Variants in KCNQ1 observed in about 807,000 individuals in gnomAD.
KCNQ1 encodes potassium voltage-gated channel subfamily Q member 1.
A neutral mutation model predicts 72.4 loss-of-function variants in KCNQ1; 49 were observed. That is an observed-to-expected ratio of 0.68 (90% CI 0.54 to 0.86). The LOEUF (loss-of-function observed/expected upper bound fraction) is 0.86, where lower values mean the gene tolerates loss of function less well. KCNQ1 is among the 40% of genes least tolerant of loss of function. The probability of loss-of-function intolerance (pLI) is 0.00; values close to 1 mark genes in which losing one functional copy is unlikely to be tolerated. For synonymous variants in KCNQ1, 450 were observed against 412.6 expected, an observed-to-expected ratio of 1.09 and a Z score of -1.10; for missense variants, 790 against 945.1, an observed-to-expected ratio of 0.84 and a Z score of 2.15.
rs563439439 is a variant in KCNQ1, at chr11:2,544,410, A to G, written c.477+16392A>G. On this transcript the variant is annotated intron_variant, in intron 2 of 15. Transcript: ENST00000155840. This position sits in a 1 kb window ranked among gnomAD's most constrained non-coding sequence, Gnocchi z 4.4. ...CATATATGTGTATATATGTGTGTGT[A>G]TATATATATATGGTTACATACCTAA... is the stretch of plus-strand genomic sequence containing the variant. 4.1e-4 allele frequency among the ~76,000 whole-genome samples: 62 copies of G among 150,084 alleles called. No individual in the cohort carries two copies. In the South Asian group the frequency reaches 4.6e-3, roughly 11 times the overall value.
intron 11 of KCNQ1, among the ~76,000 whole-genome samples, chr11:2,737,432 C>T (rs761339835): frequency 9.5e-4 from 145 of 152,280 alleles, no homozygotes; most frequent in Non-Finnish European, 1.8e-3. Flanking sequence ...GCTGGATGCC[C>T]GCGAGCTGCA....
chr11:2,480,023 C>A (rs36047616), intron 1 of KCNQ1, among the ~76,000 whole-genome samples: 63,050 of 151,998 alleles, frequency 0.41, 15,869 homozygotes, highest in Non-Finnish European at 0.58. Flanking sequence ...CATCTTTAAT[C>A]CACTTCCCAA....
chr11:2,523,238 G>C (rs7122214), intron 1 of KCNQ1, among the ~76,000 whole-genome samples: 1 of 150,656 alleles, frequency 6.6e-6, no homozygotes, highest in Non-Finnish European at 1.5e-5. Flanking sequence ...CTGTCACCCA[G>C]GCTGGAGTGC....
chr11:2,496,253 G>T (rs1329571730), intron 1 of KCNQ1, among the ~76,000 whole-genome samples: 1 of 151,770 alleles, frequency 6.6e-6, no homozygotes, highest in Non-Finnish European at 1.5e-5. Context: ...TGGCTAACAC[G>T]ATGAAACCCC....
At chr11:2,465,147 C>T (rs1846333770) in intron 1 of KCNQ1, among the ~76,000 whole-genome samples, 2 of 152,208 alleles carry the variant, frequency 1.3e-5, no homozygotes, top group Admixed American at 6.5e-5. Context: ...AGGCCCCTTC[C>T]CAGAAGTTTT....
rs895661630 is a variant in KCNQ1, at chr11:2,827,794, G to A, written c.1795-19973G>A. Among the ~76,000 whole-genome samples the A allele has an allele frequency of 5.9e-5, 9 of 152,158 alleles. No individual in the cohort carries two copies. The highest frequency in any genetic ancestry group is 2.2e-4 in the African/African-American group (9 of 41,426). ...GGTACACTTCAGCGGCTCAGGCCAG[G>A]GTGTAAGTAGCAGGTATGTGGTGGT... On this transcript the variant is annotated intron_variant, in intron 15 of 15. Coordinates refer to ENST00000155840, the MANE Select transcript of KCNQ1 (RefSeq NM_000218.3). This position sits in a 1 kb window ranked among gnomAD's most constrained non-coding sequence, Gnocchi z 6.7.
rs1036100703 is a variant in KCNQ1, at chr11:2,668,984, C to T, written c.1514+6903C>T. On this transcript the variant is annotated intron_variant, in intron 11 of 15. Coordinates refer to ENST00000155840, the MANE Select transcript of KCNQ1 (RefSeq NM_000218.3). This position sits in a 1 kb window ranked among gnomAD's most constrained non-coding sequence, Gnocchi z 4.3. ...TTGATTTTTGTGTCCAATGTGAGGC[C>T]GAGGTCAAGGTCCACTCTTCCCCTA... 13 of 398,358 alleles carry T rather than the reference C, an allele frequency of 3.3e-5. No homozygotes were observed. Among genetic ancestry groups the T allele is most frequent in the Middle Eastern group, 6.2e-4 (1 of 1,610 alleles). 24.7% of individuals were successfully genotyped at this position (398,358 alleles called of 1,614,324 possible). A position where few individuals can be genotyped will look rare whatever the true frequency, so the allele number is the denominator to read the frequency against.
At position 2,511,525 on chromosome 11, in the gene KCNQ1, C is replaced by A. The variant is rs551822723; in HGVS notation, c.387-16403C>A. Among the ~76,000 whole-genome samples, 6 of 152,262 alleles carry A rather than the reference C, an allele frequency of 3.9e-5. No individual in the cohort carries two copies. The South Asian group carries it at 8.3e-4, about 21-fold the overall frequency. On this transcript the variant is annotated intron_variant, in intron 1 of 15. Coordinates refer to ENST00000155840, the MANE Select transcript of KCNQ1 (RefSeq NM_000218.3). The stretch of plus-strand genomic sequence containing the variant: ...ATGACTAGTGGTTTGTGGCAGGTGA[C>A]GGGTGAGTGGTCTCCATGCTCCCAG...
At chr11:2,619,185 T>C (rs1849121119) in intron 10 of KCNQ1, 1 of 398,574 alleles carries the variant, frequency 2.5e-6, no homozygotes, top group Non-Finnish European at 4.4e-6. Context: ...CTTGTCTGTT[T>C]GGTTGTACTA....
At position 2,566,688 on chromosome 11, in the gene KCNQ1, T is replaced by C. The variant is rs1342604861; in HGVS notation, c.478-3940T>C. The stretch of plus-strand genomic sequence containing the variant: ...CTCAGTGGAGACCAAGGACGGCTCT[T>C]CTTCTCGTATCTACGGGGCAGAGCT... On this transcript the variant is annotated intron_variant, in intron 2 of 15. Coordinates refer to ENST00000155840, the MANE Select transcript of KCNQ1 (RefSeq NM_000218.3). The surrounding 1 kb of genome is among the most constrained non-coding windows in gnomAD (Gnocchi z 6.7). 6.6e-6 allele frequency among the ~76,000 whole-genome samples: 1 copy of C among 152,096 alleles called. No individual in the cohort carries two copies. The highest frequency in any genetic ancestry group is 1.5e-5 in the Non-Finnish European group (1 of 67,996).
chr11:2,650,346 C>G, intron 10 of KCNQ1: 1 of 398,300 alleles, frequency 2.5e-6, no homozygotes, highest in South Asian at 1.3e-4. Context: ...TTTTTGTGTC[C>G]CCAAGTTGAT....
At chr11:2,625,539 A>C in intron 10 of KCNQ1, 1 of 393,974 alleles carries the variant, frequency 2.5e-6, no homozygotes, top group Non-Finnish European at 4.4e-6. Flanking sequence ...ATCCATTTGT[A>C]TATCTTCTTT....
At chr11:2,791,266 G>A (rs2134008586) in intron 15 of KCNQ1, among the ~76,000 whole-genome samples, 1 of 152,334 alleles carries the variant, frequency 6.6e-6, no homozygotes, top group South Asian at 2.1e-4. Context: ...ACCGTGTGCG[G>A]ATCTATAATC....
chr11:2,705,400 G>A (rs1168385567), intron 11 of KCNQ1, among the ~76,000 whole-genome samples: 1 of 152,200 alleles, frequency 6.6e-6, no homozygotes, highest in Non-Finnish European at 1.5e-5. Context: ...AACTCTCCCA[G>A]AGCCCCCACT....
intron 10 of KCNQ1, chr11:2,643,172 G>T (rs1849606261): frequency 7.5e-6 from 3 of 398,120 alleles, no homozygotes; most frequent in Non-Finnish European, 8.9e-6. Flanking sequence ...TGTCTGTTAG[G>T]TCCATTTGGT....
rs1398045439 is a variant in KCNQ1, at chr11:2,484,489, A to G, written c.386+39005A>G. ...CTCATTATTTATTTTCATTGCTCAA[A>G]TTGTGCTGGCTTTTGCCCCAGAAAC... On this transcript the variant is annotated intron_variant, in intron 1 of 15. Coordinates refer to ENST00000155840, the MANE Select transcript of KCNQ1 (RefSeq NM_000218.3). The surrounding 1 kb of genome is among the most constrained non-coding windows in gnomAD (Gnocchi z 5.2). 6.6e-6 allele frequency among the ~76,000 whole-genome samples: 1 copy of G among 152,106 alleles called. No homozygotes were observed. The highest frequency in any genetic ancestry group is 1.9e-4 in the East Asian group (1 of 5,182).
Position 2,611,890 on chromosome 11 carries a change from G to A in KCNQ1, c.1393+23036G>A. ...TTCCCCCATTTTTAAAGTGTAATCT[G>A]GAGGTTACAATAAGCAGCTTAAGCA... On this transcript the variant is annotated intron_variant, in intron 10 of 15. Coordinates refer to ENST00000155840, the MANE Select transcript of KCNQ1 (RefSeq NM_000218.3). The surrounding 1 kb of genome is among the most constrained non-coding windows in gnomAD (Gnocchi z 5.3). 2.5e-6 allele frequency: 1 copy of A among 398,414 alleles called. No homozygotes were observed. The highest frequency in any genetic ancestry group is 6.3e-4 in the Middle Eastern group (1 of 1,588). 24.7% of individuals were successfully genotyped at this position (398,414 alleles called of 1,614,324 possible).
In KCNQ1 at chr11:2,619,450, G is replaced by A. The variant is rs572529238; in HGVS notation, c.1393+30596G>A. 42 of 398,512 alleles carry A rather than the reference G, an allele frequency of 1.1e-4. No individual in the cohort carries two copies. In the South Asian group the frequency reaches 5.2e-3, roughly 50 times the overall value. The allele number at this position is 398,512 out of a possible 1,614,324, so 24.7% of individuals were successfully genotyped here. A position where few individuals can be genotyped will look rare whatever the true frequency, so the allele number is the denominator to read the frequency against. ...ATGATCATGTGGTTTTCATCTTTCA[G>A]TCTGTTAGTATCACATTGATTGCTA... On this transcript the variant is annotated intron_variant, in intron 10 of 15. Coordinates refer to ENST00000155840, the MANE Select transcript of KCNQ1 (RefSeq NM_000218.3).
chr11:2,679,703 G>A lies in KCNQ1; in HGVS notation c.1514+17622G>A, dbSNP rs1299874552. On this transcript the variant is annotated intron_variant, in intron 11 of 15. Transcript: ENST00000155840. This position sits in a 1 kb window ranked among gnomAD's most constrained non-coding sequence, Gnocchi z 4.8. ...CCCAGATTAGATTTTTTTTAAATCA[G>A]CCGTTCTCTGTATTCTTGTCCAGAT... 5 of 398,370 alleles carry A rather than the reference G, an allele frequency of 1.3e-5. No individual in the cohort carries two copies. The highest frequency in any genetic ancestry group is 1.0e-4 in the African/African-American group (5 of 48,572). 24.7% of individuals were successfully genotyped at this position (398,370 alleles called of 1,614,324 possible).
Sources: gnomAD v4.1 joint callset for allele counts (sites outside exome capture counted in the v4.1 genomes callset) on GRCh38, gnomAD v4.1.1 for gene constraint, Gnocchi (gnomAD v3.1) non-coding constraint, MANE v1.5 for transcripts, NCBI Gene and HGNC (gene_info 2026-07-23, HGNC 2026-07-21) for gene names.